Variants in KCNK10 observed in about 807,000 individuals in gnomAD.
KCNK10 encodes potassium channel subfamily K member 10.
A neutral mutation model predicts 47.7 loss-of-function variants in KCNK10; 25 were observed. The ratio of observed to expected loss-of-function variants is 0.52; its 90% confidence interval spans 0.38 to 0.73. The LOEUF is 0.73. KCNK10 is among the 30% of genes least tolerant of loss of function. The pLI, the probability that KCNK10 is intolerant of heterozygous loss-of-function variation, is 0.00. For missense variants in KCNK10, 563 were observed against 714.5 expected, an observed-to-expected ratio of 0.79 and a Z score of 2.42; for synonymous variants, 303 against 285.6, an observed-to-expected ratio of 1.06 and a Z score of -0.61.
intron 4 of KCNK10, among the ~76,000 whole-genome samples, chr14:88,212,453 A>C (rs1885492609): frequency 6.6e-6 from 1 of 152,110 alleles, no homozygotes; most frequent in African/African-American, 2.4e-5. Context: ...AAAAAGAAAA[A>C]AAAAAGATAC....
intron 1 of KCNK10, among the ~76,000 whole-genome samples, chr14:88,285,330 T>C (rs776705503): frequency 7.2e-5 from 11 of 152,326 alleles, no homozygotes; most frequent in Non-Finnish European, 1.6e-4. Flanking sequence ...CGGGGTAGTC[T>C]AGAACTCCTG....
intron 3 of KCNK10, among the ~76,000 whole-genome samples, chr14:88,235,855 A>G (rs1405803623): frequency 6.6e-6 from 1 of 152,228 alleles, no homozygotes; most frequent in Non-Finnish European, 1.5e-5. Flanking sequence ...TAAAAGAGTC[A>G]AAACCTAGTA....
At chr14:88,231,624 G>A (rs541561059) in intron 3 of KCNK10, among the ~76,000 whole-genome samples, 1 of 152,150 alleles carries the variant, frequency 6.6e-6, no homozygotes, top group Admixed American at 6.5e-5. Flanking sequence ...AGTTACGGGG[G>A]ACCCACCAGC....
At chr14:88,195,360 CACTT>C (rs1259609921) in intron 4 of KCNK10, among the ~76,000 whole-genome samples, 2 of 152,218 alleles carry the variant, frequency 1.3e-5, no homozygotes, top group Non-Finnish European at 2.9e-5. Context: ...AGTGTGCAAA[CACTT>C]AGCACAGTGC....
At chr14:88,206,259 GT>G (rs1885271647) in intron 4 of KCNK10, among the ~76,000 whole-genome samples, 1 of 152,176 alleles carries the variant, frequency 6.6e-6, no homozygotes. Context: ...TTGTTAGGGT[GT>G]TTGCGGTTGT....
chr14:88,291,627 T>A (rs1295723445), intron 1 of KCNK10, among the ~76,000 whole-genome samples: 1 of 152,072 alleles, frequency 6.6e-6, no homozygotes, highest in Non-Finnish European at 1.5e-5. Flanking sequence ...CTGCTACAGG[T>A]AGGGGCATGA....
At chr14:88,315,269 C>A (rs1242192454) in intron 1 of KCNK10, among the ~76,000 whole-genome samples, 1 of 152,174 alleles carries the variant, frequency 6.6e-6, no homozygotes, top group Non-Finnish European at 1.5e-5. Context: ...ACATTCTTAG[C>A]CAGTAGAATC....
chr14:88,314,260 T>C lies in KCNK10; in HGVS notation c.52+8487A>G, dbSNP rs148527525. Among the ~76,000 whole-genome samples, 229 of 152,148 alleles carry C rather than the reference T, an allele frequency of 1.5e-3. 1 individual carries two copies. The highest frequency in any genetic ancestry group is 4.1e-3 in the Admixed American group (63 of 15,284). On this transcript the variant is annotated intron_variant, in intron 1 of 6. Coordinates refer to ENST00000319231, the MANE Select transcript of KCNK10 (RefSeq NM_138317.3). Reference sequence around the variant, plus strand: ...CCTTCATGATTAGGATTAGTGCACTTATCAAAGAAGCCCAAGAAAGACCCA... The same window carrying C: ...CCTTCATGATTAGGATTAGTGCACTCATCAAAGAAGCCCAAGAAAGACCCA...
At chr14:88,223,137 C>T (rs1885872128) in intron 4 of KCNK10, among the ~76,000 whole-genome samples, 1 of 152,162 alleles carries the variant, frequency 6.6e-6, no homozygotes, top group Admixed American at 6.5e-5. Context: ...AAACTACAAC[C>T]TTGCACAAAA....
intron 1 of KCNK10, among the ~76,000 whole-genome samples, chr14:88,314,040 A>G (rs559663132): frequency 6.6e-6 from 1 of 152,358 alleles, no homozygotes; most frequent in South Asian, 2.1e-4. Context: ...GCAACTGTGA[A>G]GTGGTTGTTA....
chr14:88,305,781 A>G (rs1888192041), intron 1 of KCNK10, among the ~76,000 whole-genome samples: 1 of 152,260 alleles, frequency 6.6e-6, no homozygotes, highest in Non-Finnish European at 1.5e-5. Flanking sequence ...CTGGGAAGGC[A>G]GCCAAGAAAA....
At chr14:88,230,221 A>G (rs185403063) in intron 3 of KCNK10, among the ~76,000 whole-genome samples, 2 of 152,320 alleles carry the variant, frequency 1.3e-5, no homozygotes, top group East Asian at 3.9e-4. Context: ...ATATGTCTCC[A>G]GGAAAACTCA....
At chr14:88,310,176 T>TATATCATATACC (rs1566721438) in intron 1 of KCNK10, among the ~76,000 whole-genome samples, 13 of 124,940 alleles carry the variant, frequency 1.0e-4, no homozygotes, top group African/African-American at 2.2e-4. Context: ...TATCATATGG[T>TATATCATATACC]ATATGATATA....
chr14:88,180,284 G>C lies in KCNK10; in HGVS notation c.*5251C>G, dbSNP rs1566673069. On this transcript the variant is annotated 3_prime_UTR_variant, in exon 7 of 7. Transcript: ENST00000319231. ...CCCCCCACATTATTTTCTGTAAAAT[G>C]CCTTTTTTTTTAAAGCACCATGAAA... 1 of 152,372 alleles carries C rather than the reference G, an allele frequency of 6.6e-6. No homozygotes were observed. The highest frequency in any genetic ancestry group is 6.6e-5 in the Admixed American group (1 of 15,264). 9.4% of individuals were successfully genotyped at this position (152,372 alleles called of 1,614,324 possible).
intron 1 of KCNK10, among the ~76,000 whole-genome samples, chr14:88,273,228 G>GA (rs1292355940): frequency 2.0e-5 from 3 of 152,060 alleles, no homozygotes; most frequent in African/African-American, 7.2e-5. Flanking sequence ...GACAGAGAAA[G>GA]AAAAAACTAG....
intron 2 of KCNK10, among the ~76,000 whole-genome samples, chr14:88,248,677 C>T (rs1274374023): frequency 6.6e-6 from 1 of 151,806 alleles, no homozygotes; most frequent in Non-Finnish European, 1.5e-5. Flanking sequence ...TGCAGTAAGC[C>T]ATGATCGTGC....
chr14:88,294,583 A>G (rs1207074723), intron 1 of KCNK10, among the ~76,000 whole-genome samples: 2 of 152,208 alleles, frequency 1.3e-5, no homozygotes, highest in Non-Finnish European at 1.5e-5. Flanking sequence ...CAACAGATAC[A>G]TGGGTTGATC....
rs1329587954 is a variant in KCNK10 at position 88,183,181 on chromosome 14, A to G, written c.*2354T>C. ...CTGTGTGCCATTGGATAAATAACAT[A>G]GCTTCCCTGAGCCTCTGTGTCCTTG... is the stretch of plus-strand genomic sequence containing the variant. On this transcript the variant is annotated 3_prime_UTR_variant, in exon 7 of 7. Coordinates refer to ENST00000319231, the MANE Select transcript of KCNK10 (RefSeq NM_138317.3). 1 of 152,258 alleles carries G rather than the reference A, an allele frequency of 6.6e-6. No individual in the cohort carries two copies. Among genetic ancestry groups the G allele is most frequent in the Non-Finnish European group, 1.5e-5 (1 of 68,050 alleles). 9.4% of individuals were successfully genotyped at this position (152,258 alleles called of 1,614,324 possible). A position where few individuals can be genotyped will look rare whatever the true frequency, so the allele number is the denominator to read the frequency against.
intron 3 of KCNK10, among the ~76,000 whole-genome samples, chr14:88,238,852 C>T (rs953557361): frequency 6.6e-6 from 1 of 152,106 alleles, no homozygotes; most frequent in African/African-American, 2.4e-5. Context: ...CACTTGAACA[C>T]TGAGAAGCCA....
Sources: allele counts gnomAD v4.1 joint callset (sites outside exome capture counted in the v4.1 genomes callset), GRCh38; gene constraint gnomAD v4.1.1; transcripts MANE v1.5; gene names NCBI Gene and HGNC (gene_info 2026-07-23, HGNC 2026-07-21).